SHISA9: variants seen among roughly 807,000 people sequenced by gnomAD.
SHISA9 encodes protein shisa-9.
SHISA9 carries 13 observed loss-of-function variants against 38.0 expected under a neutral mutation model. That is an observed-to-expected ratio of 0.34 (90% CI 0.22 to 0.54). SHISA9 has a LOEUF of 0.54. SHISA9 is among the 20% of genes least tolerant of loss of function. SHISA9 has a pLI of 0.91. For synonymous variants in SHISA9, 275 were observed against 242.0 expected, an observed-to-expected ratio of 1.14 and a Z score of -1.27; for missense variants, 538 against 575.8, an observed-to-expected ratio of 0.93 and a Z score of 0.67.
the SHISA9 span, among the ~76,000 whole-genome samples, chr16:13,418,591 A>G: frequency 1.3e-5 from 2 of 152,104 alleles, no homozygotes; most frequent in Non-Finnish European, 2.9e-5. Context: ...TACTCAACCC[A>G]GAGACTCCTG....
the SHISA9 span, among the ~76,000 whole-genome samples, chr16:13,422,297 T>A: frequency 6.6e-6 from 1 of 152,352 alleles, no homozygotes; most frequent in East Asian, 1.9e-4. Context: ...GGATTTTTTT[T>A]TAAAAAGTTA....
At chr16:13,283,396 CAAGACTGCGT>C in the SHISA9 span, among the ~76,000 whole-genome samples, 1 of 152,006 alleles carries the variant, frequency 6.6e-6, no homozygotes, top group African/African-American at 2.4e-5. Flanking sequence ...AAGACATACC[CAAGACTGCGT>C]AATTCTAAAG....
the SHISA9 span, among the ~76,000 whole-genome samples, chr16:13,341,481 T>C: frequency 6.6e-6 from 1 of 152,146 alleles, no homozygotes; most frequent in South Asian, 2.1e-4. Context: ...CCCAAGATGA[T>C]TCAAAATGAG....
chr16:13,078,327 A>T (rs1596632923), intron 2 of SHISA9, among the ~76,000 whole-genome samples: 1 of 152,224 alleles, frequency 6.6e-6, no homozygotes, highest in South Asian at 2.1e-4. Flanking sequence ...GACTAATACA[A>T]TGTAAATGCT....
rs192580421 is a variant in SHISA9, at chr16:13,128,714, C to G, written c.692-74680C>G. ...GTCTAGCTTATGTCCCACTGGGAGG[C>G]AGACTTGGGTCCCACATGTGTATGG... On this transcript the variant is annotated intron_variant, in intron 2 of 4. Transcript: ENST00000558583. Among the ~76,000 whole-genome samples the G allele has an allele frequency of 2.6e-4, 39 of 152,294 alleles. No individual in the cohort carries two copies. In the East Asian group the frequency reaches 7.3e-3, roughly 29 times the overall value.
the SHISA9 span, among the ~76,000 whole-genome samples, chr16:13,535,936 G>A: frequency 6.6e-6 from 1 of 151,958 alleles, no homozygotes; most frequent in East Asian, 1.9e-4. Flanking sequence ...CAGGCACTGA[G>A]CCTTTGTACT....
intron 2 of SHISA9, among the ~76,000 whole-genome samples, chr16:13,149,889 C>T (rs2050481843): frequency 6.9e-6 from 1 of 145,674 alleles, no homozygotes; most frequent in Admixed American, 7.0e-5. Context: ...CATGCCACTG[C>T]ACTCCAGCCT....
chr16:13,451,540 C>T, the SHISA9 span, among the ~76,000 whole-genome samples: 2 of 152,146 alleles, frequency 1.3e-5, no homozygotes, highest in South Asian at 4.1e-4. Context: ...ATATAATGGG[C>T]AGACCTGGTG....
intron 2 of SHISA9, among the ~76,000 whole-genome samples, chr16:13,147,215 C>T (rs531343472): frequency 1.7e-4 from 26 of 152,134 alleles, no homozygotes; most frequent in Non-Finnish European, 3.1e-4. Flanking sequence ...AAATAAGAAA[C>T]TAGCAGGGCC....
At chr16:13,500,154 T>C in the SHISA9 span, among the ~76,000 whole-genome samples, 2 of 152,176 alleles carry the variant, frequency 1.3e-5, no homozygotes, top group African/African-American at 4.8e-5. Context: ...GTTCTTGTGA[T>C]AGTGAGTGAG....
the SHISA9 span, among the ~76,000 whole-genome samples, chr16:13,267,748 C>T: frequency 3.3e-4 from 50 of 152,256 alleles, no homozygotes; most frequent in Admixed American, 2.6e-3. Context: ...TCCATCTTCT[C>T]TGTGTCCCAG....
chr16:13,492,856 C>T, the SHISA9 span, among the ~76,000 whole-genome samples: 3 of 152,128 alleles, frequency 2.0e-5, no homozygotes, highest in African/African-American at 4.8e-5. Context: ...GAAGAAAGAG[C>T]ATTGCAGGGT....
the SHISA9 span, among the ~76,000 whole-genome samples, chr16:13,276,153 A>G: frequency 4.6e-5 from 7 of 151,952 alleles, no homozygotes; most frequent in Admixed American, 1.3e-4. Flanking sequence ...ACTCCCACAT[A>G]TCAGTGAGAT....
At chr16:13,300,619 G>A in the SHISA9 span, among the ~76,000 whole-genome samples, 3 of 152,154 alleles carry the variant, frequency 2.0e-5, no homozygotes, top group African/African-American at 7.2e-5. Context: ...ATTCAATTGA[G>A]TCCTGAAAAT....
the SHISA9 span, among the ~76,000 whole-genome samples, chr16:13,307,021 T>G: frequency 6.6e-6 from 1 of 152,240 alleles, no homozygotes; most frequent in Non-Finnish European, 1.5e-5. Flanking sequence ...TTTAAAATGT[T>G]ACAAACATGT....
chr16:13,194,201 G>A (rs1219007711), intron 2 of SHISA9, among the ~76,000 whole-genome samples: 1 of 128,450 alleles, frequency 7.8e-6, no homozygotes, highest in African/African-American at 3.4e-5. Flanking sequence ...TTAATATGCC[G>A]AAAGGTGGAG....
At chr16:13,245,053 C>G (rs1417077606), downstream of SHISA9, among the ~76,000 whole-genome samples, 1 of 151,848 alleles carries the variant, frequency 6.6e-6, no homozygotes, top group East Asian at 1.9e-4. Context: ...GTAGCTGGGA[C>G]TACAGGTACG....
chr16:13,533,125 G>A, the SHISA9 span, among the ~76,000 whole-genome samples: 3 of 152,108 alleles, frequency 2.0e-5, no homozygotes, highest in African/African-American at 7.2e-5. Context: ...CTCCACCAGT[G>A]AGACATCTAA....
intron 2 of SHISA9, among the ~76,000 whole-genome samples, chr16:13,079,883 A>C (rs192484573): frequency 2.6e-5 from 4 of 152,326 alleles, no homozygotes; most frequent in African/African-American, 4.8e-5. Flanking sequence ...ATGGTTTAAA[A>C]AACCCAGGAA....
Sources: allele counts gnomAD v4.1 joint callset (sites outside exome capture counted in the v4.1 genomes callset), GRCh38; gene constraint gnomAD v4.1.1; transcripts MANE v1.5; gene names NCBI Gene and HGNC (gene_info 2026-07-23, HGNC 2026-07-21).